The following CPA6 variants were observed in gnomAD, a reference collection of about 807,000 sequenced individuals.
CPA6 encodes the protein carboxypeptidase B.
A neutral mutation model predicts 63.3 loss-of-function variants in CPA6; 58 were observed. That is an observed-to-expected ratio of 0.92 (90% CI 0.74 to 1.14). CPA6 has a LOEUF of 1.14. Among genes scored for constraint, CPA6 ranks in the 50% most tolerant of loss-of-function variants. The probability of loss-of-function intolerance (pLI) is 0.00; values close to 1 mark genes in which losing one functional copy is unlikely to be tolerated. For synonymous variants in CPA6, 185 were observed against 179.0 expected, an observed-to-expected ratio of 1.03 and a Z score of -0.27; for missense variants, 565 against 526.6, an observed-to-expected ratio of 1.07 and a Z score of -0.71.
intron 1 of CPA6, among the ~76,000 whole-genome samples, chr8:67,742,248 T>C (rs558562741): frequency 4.6e-5 from 7 of 152,196 alleles, no homozygotes; most frequent in Non-Finnish European, 7.3e-5. Context: ...TGACTCATCA[T>C]CACCCTAGAG....
intron 9 of CPA6, among the ~76,000 whole-genome samples, chr8:67,430,505 A>G (rs1203564787): frequency 1.3e-5 from 2 of 152,284 alleles, no homozygotes; most frequent in South Asian, 2.1e-4. Context: ...TGACTAAAAA[A>G]CATTGCCAGA....
At chr8:67,530,186 C>G (rs959872721) in intron 2 of CPA6, among the ~76,000 whole-genome samples, 1 of 146,648 alleles carries the variant, frequency 6.8e-6, no homozygotes, top group African/African-American at 2.6e-5. Flanking sequence ...GGACATTTCC[C>G]AGAGAGTAGA....
intron 2 of CPA6, among the ~76,000 whole-genome samples, chr8:67,521,211 T>A (rs1445094147): frequency 2.0e-5 from 3 of 152,240 alleles, no homozygotes; most frequent in Non-Finnish European, 4.4e-5. Flanking sequence ...CCTTCTGGCC[T>A]AGGAACCTGG....
intron 2 of CPA6, among the ~76,000 whole-genome samples, chr8:67,538,168 C>A (rs1812627771): frequency 6.6e-6 from 1 of 152,112 alleles, no homozygotes; most frequent in African/African-American, 2.4e-5. Context: ...TCTGTCAATT[C>A]ATGGTGGAGA....
At chr8:67,734,653 C>T (rs1817780205) in intron 1 of CPA6, among the ~76,000 whole-genome samples, 1 of 152,168 alleles carries the variant, frequency 6.6e-6, no homozygotes, top group African/African-American at 2.4e-5. Flanking sequence ...CTTTGCTATA[C>T]AGGCTCATCC....
chr8:67,595,667 G>C (rs1814309316), intron 2 of CPA6, among the ~76,000 whole-genome samples: 1 of 152,220 alleles, frequency 6.6e-6, no homozygotes, highest in Non-Finnish European at 1.5e-5. Flanking sequence ...GAGACTCCGT[G>C]GGTGTAGGAC....
intron 2 of CPA6, among the ~76,000 whole-genome samples, chr8:67,573,884 T>C (rs1682077): frequency 0.42 from 40,748 of 96,076 alleles, 7,482 homozygotes; most frequent in East Asian, 0.57. Flanking sequence ...AGAGCAAGAC[T>C]CCGTCTCAAA....
chr8:67,743,345 T>C (rs939168256), intron 1 of CPA6, among the ~76,000 whole-genome samples: 7 of 152,158 alleles, frequency 4.6e-5, no homozygotes. Context: ...AGTATATACA[T>C]ACTACTATAT....
chr8:67,485,683 T>C (rs923261324), intron 6 of CPA6, among the ~76,000 whole-genome samples: 2 of 152,220 alleles, frequency 1.3e-5, no homozygotes, highest in African/African-American at 4.8e-5. Context: ...ACATTTCTCC[T>C]AGACATATGA....
intron 8 of CPA6, among the ~76,000 whole-genome samples, chr8:67,441,677 T>G (rs1229776962): frequency 6.6e-6 from 1 of 152,178 alleles, no homozygotes; most frequent in Non-Finnish European, 1.5e-5. Context: ...TATTGTTTAG[T>G]AAATGATGTT....
At chr8:67,541,433 T>A (rs1413010550) in intron 2 of CPA6, among the ~76,000 whole-genome samples, 2 of 152,080 alleles carry the variant, frequency 1.3e-5, no homozygotes, top group Non-Finnish European at 2.9e-5. Flanking sequence ...TCTAATCGGT[T>A]GTTTGCATAA....
intron 1 of CPA6, among the ~76,000 whole-genome samples, chr8:67,644,570 C>T (rs1815673506): frequency 6.6e-6 from 1 of 152,206 alleles, no homozygotes. Context: ...ACAGGCAGAG[C>T]TCTTACAAGC....
At chr8:67,468,397 A>T (rs1810977152) in intron 8 of CPA6, among the ~76,000 whole-genome samples, 1 of 151,772 alleles carries the variant, frequency 6.6e-6, no homozygotes, top group Admixed American at 6.6e-5. Context: ...AGCCTGGCCA[A>T]CATGGAGAAA....
chr8:67,656,263 G>T (rs1464160118), intron 1 of CPA6, among the ~76,000 whole-genome samples: 3 of 152,092 alleles, frequency 2.0e-5, no homozygotes, highest in Non-Finnish European at 4.4e-5. Flanking sequence ...ACATCCCTGA[G>T]TTCAGAAACC....
chr8:67,448,901 T>G (rs147298249), intron 8 of CPA6, among the ~76,000 whole-genome samples: 12 of 152,164 alleles, frequency 7.9e-5, no homozygotes, highest in Non-Finnish European at 1.6e-4. Context: ...TCAGCATAAT[T>G]TATTAAATAT....
intron 1 of CPA6, among the ~76,000 whole-genome samples, chr8:67,638,692 C>T (rs1815523800): frequency 6.6e-6 from 1 of 151,614 alleles, no homozygotes; most frequent in Non-Finnish European, 1.5e-5. Flanking sequence ...AGGCCTCGTC[C>T]CCTTTCCTCA....
At chr8:67,479,445 T>C (rs1292612558) in intron 8 of CPA6, among the ~76,000 whole-genome samples, 3 of 152,234 alleles carry the variant, frequency 2.0e-5, no homozygotes, top group South Asian at 2.1e-4. Flanking sequence ...TCCCTCATGC[T>C]ATGCATGTTA....
intron 8 of CPA6, among the ~76,000 whole-genome samples, chr8:67,450,560 T>G (rs1299618169): frequency 2.0e-5 from 3 of 152,238 alleles, no homozygotes; most frequent in African/African-American, 7.2e-5. Flanking sequence ...AACATTGATT[T>G]TCTCCTTCAA....
In CPA6 at chr8:67,746,308, C is replaced by T. The variant is rs116871526; in HGVS notation, c.-179G>A. 2.0e-4 allele frequency: 95 copies of T among 476,502 alleles called. No homozygotes were observed. The East Asian group carries it at 3.1e-3, about 15-fold the overall frequency. 29.5% of individuals were successfully genotyped at this position (476,502 alleles called of 1,614,324 possible). On this transcript the variant is annotated 5_prime_UTR_variant, in exon 1 of 11. Coordinates refer to ENST00000297770, the MANE Select transcript of CPA6 (RefSeq NM_020361.5). ...CAAGGGAAAAAAAAAGTTCAGGCAG[C>T]TGAGGAAGGGAAGTTGCTATTACGA...
Sources: gnomAD v4.1 joint callset for allele counts (sites outside exome capture counted in the v4.1 genomes callset) on GRCh38, gnomAD v4.1.1 for gene constraint, MANE v1.5 for transcripts, NCBI Gene and HGNC (gene_info 2026-07-23, HGNC 2026-07-21) for gene names.